PCLO: variants seen among roughly 807,000 people sequenced by gnomAD.
PCLO encodes the protein piccolo presynaptic cytomatrix protein.
In PCLO, 82 loss-of-function variants were observed where a neutral mutation model predicts 427.5. That is an observed-to-expected ratio of 0.19 (90% CI 0.16 to 0.23). PCLO has a LOEUF of 0.23. Ranked by LOEUF, PCLO falls within the 10% of genes least tolerant of loss-of-function variation. The pLI, the probability that PCLO is intolerant of heterozygous loss-of-function variation, is 1.00. For missense variants in PCLO, 6,239 were observed against 6,115.9 expected (o/e 1.02, Z -0.67); for synonymous variants, 2,357 against 2,155.4 (o/e 1.09, Z -2.59).
At chr7:82,985,545 T>C (rs998369360) in intron 3 of PCLO, among the ~76,000 whole-genome samples, 1 of 151,944 alleles carries the variant, frequency 6.6e-6, no homozygotes, top group Non-Finnish European at 1.5e-5. Context: ...ATATGCTGAA[T>C]AGACAAGGCT....
intron 3 of PCLO, among the ~76,000 whole-genome samples, chr7:82,997,924 G>T (rs753806507): frequency 1.7e-4 from 26 of 152,054 alleles, no homozygotes; most frequent in Non-Finnish European, 2.9e-4. Context: ...TCATCTCCAT[G>T]TAAGGAGCGT....
intron 3 of PCLO, among the ~76,000 whole-genome samples, chr7:83,012,090 C>G (rs1788092415): frequency 6.6e-6 from 1 of 152,048 alleles, no homozygotes; most frequent in South Asian, 2.1e-4. Context: ...TAACAAACCA[C>G]TGTTCACAAA....
intron 22 of PCLO, among the ~76,000 whole-genome samples, chr7:82,768,257 T>C (rs1226941983): frequency 6.6e-6 from 1 of 152,006 alleles, no homozygotes; most frequent in Non-Finnish European, 1.5e-5. Context: ...AACCCGTCTT[T>C]ACTAAAAATA....
At chr7:82,992,988 A>G (rs958669715) in intron 3 of PCLO, among the ~76,000 whole-genome samples, 4 of 152,078 alleles carry the variant, frequency 2.6e-5, no homozygotes, top group African/African-American at 9.7e-5. Flanking sequence ...TTGGTAATCA[A>G]TATGTGCTCA....
Position 83,057,530 on chromosome 7 carries a change from TTTTTG to T in PCLO, c.3300+76715_3300+76719del, listed in dbSNP as rs1196037627. Reference sequence around the variant, plus strand: ...GCGCCCGCCACCATGCCCGGCTAATTTTTTGTATTTTTAGTGGAGACGGAGTTTCA... The same window carrying T: ...GCGCCCGCCACCATGCCCGGCTAATTTATTTTTAGTGGAGACGGAGTTTCA... On this transcript the variant is annotated intron_variant, in intron 3 of 24. Coordinates refer to ENST00000333891, the MANE Select transcript of PCLO (RefSeq NM_033026.6). Among the ~76,000 whole-genome samples, 3 of 148,644 alleles carry T rather than the reference TTTTTG, an allele frequency of 2.0e-5. No homozygotes were observed. The South Asian group carries it at 6.5e-4, about 32-fold the overall frequency.
intron 20 of PCLO, among the ~76,000 whole-genome samples, chr7:82,812,868 C>T (rs1232220956): frequency 6.6e-6 from 1 of 151,214 alleles, no homozygotes; most frequent in Non-Finnish European, 1.5e-5. Context: ...TTGCACTACA[C>T]TTGCATTAGG....
intron 3 of PCLO, among the ~76,000 whole-genome samples, chr7:83,058,813 C>T (rs918510705): frequency 1.1e-4 from 17 of 152,026 alleles, no homozygotes; most frequent in Non-Finnish European, 2.4e-4. Flanking sequence ...GTTACCTCCA[C>T]GCAGGAAGCA....
At chr7:83,031,717 TC>T (rs1435258532) in intron 3 of PCLO, among the ~76,000 whole-genome samples, 2 of 150,240 alleles carry the variant, frequency 1.3e-5, no homozygotes, top group South Asian at 2.1e-4. Flanking sequence ...TCTTAATCTC[TC>T]TCTCTCTCTC....
At chr7:83,079,832 C>G (rs1790050182) in intron 3 of PCLO, among the ~76,000 whole-genome samples, 1 of 151,988 alleles carries the variant, frequency 6.6e-6, no homozygotes, top group South Asian at 2.1e-4. Flanking sequence ...AAGTATTAAG[C>G]CTAGCATGCA....
At chr7:82,975,871 C>T (rs903255728) in intron 3 of PCLO, among the ~76,000 whole-genome samples, 7 of 152,118 alleles carry the variant, frequency 4.6e-5, no homozygotes, top group African/African-American at 1.7e-4. Context: ...TCTCTCCTAC[C>T]ACCTTGTGAA....
At chr7:82,904,136 TATA>T (rs1293102631) in intron 8 of PCLO, among the ~76,000 whole-genome samples, 6 of 152,094 alleles carry the variant, frequency 3.9e-5, no homozygotes, top group African/African-American at 1.4e-4. Context: ...TTAGGGTAAG[TATA>T]ATAAGTCAAT....
At chr7:82,883,153 A>T (rs1003614355) in intron 9 of PCLO, among the ~76,000 whole-genome samples, 1 of 152,106 alleles carries the variant, frequency 6.6e-6, no homozygotes, top group Admixed American at 6.6e-5. Context: ...TTATCCTAGA[A>T]TAAAAATATA....
intron 9 of PCLO, 38 bp downstream of exon 9, chr7:82,902,613 A>G: frequency 7.9e-7 from 1 of 1,259,000 alleles, no homozygotes; most frequent in Non-Finnish European, 1.1e-6. Context: ...ACAAAACAAA[A>G]AAACAAAAAA....
chr7:83,157,797 G>T (rs1792337782), intron 1 of PCLO, among the ~76,000 whole-genome samples: 1 of 151,768 alleles, frequency 6.6e-6, no homozygotes, highest in African/African-American at 2.4e-5. Flanking sequence ...TTTGAAAAAT[G>T]TTTCTTTTTA....
intron 3 of PCLO, among the ~76,000 whole-genome samples, chr7:83,131,755 AT>A (rs1162114149): frequency 6.6e-6 from 1 of 152,018 alleles, no homozygotes; most frequent in African/African-American, 2.4e-5. Context: ...CACAAGAAAC[AT>A]ATTACAAGCA....
chr7:83,043,748 G>T (rs1320066445), intron 3 of PCLO, among the ~76,000 whole-genome samples: 1 of 151,998 alleles, frequency 6.6e-6, no homozygotes, highest in East Asian at 1.9e-4. Context: ...GGTTGGGGTG[G>T]ACAGAAGTCT....
chr7:83,096,913 A>T (rs1790571283), intron 3 of PCLO, among the ~76,000 whole-genome samples: 1 of 48,666 alleles, frequency 2.1e-5, no homozygotes, highest in Non-Finnish European at 3.1e-5. Flanking sequence ...TATATTATCT[A>T]AATATATATA....
chr7:83,056,595 T>C (rs1015568541), intron 3 of PCLO, among the ~76,000 whole-genome samples: 4 of 152,212 alleles, frequency 2.6e-5, no homozygotes, highest in Non-Finnish European at 4.4e-5. Context: ...CTCTCATCTA[T>C]ATGTATATTC....
At chr7:83,133,664 T>C (rs59138561) in intron 3 of PCLO, among the ~76,000 whole-genome samples, 1 of 151,788 alleles carries the variant, frequency 6.6e-6, no homozygotes, top group East Asian at 1.9e-4. Context: ...AACAGAATTA[T>C]AAAAAGCCTA....
Sources: gnomAD v4.1 joint callset for allele counts (sites outside exome capture counted in the v4.1 genomes callset) on GRCh38, gnomAD v4.1.1 for gene constraint, MANE v1.5 for transcripts, NCBI Gene and HGNC (gene_info 2026-07-23, HGNC 2026-07-21) for gene names.